The following CADPS2 variants were observed in gnomAD, a reference collection of about 807,000 sequenced individuals.
CADPS2 encodes calcium dependent secretion activator 2.
Under a neutral mutation model 172.5 loss-of-function variants are expected in CADPS2, and 93 were observed. That is an observed-to-expected ratio of 0.54 (90% CI 0.46 to 0.64). The LOEUF (loss-of-function observed/expected upper bound fraction) is 0.64, where lower values mean the gene tolerates loss of function less well. CADPS2 is among the 30% of genes least tolerant of loss of function. The probability of loss-of-function intolerance (pLI) is 0.00; values close to 1 mark genes in which losing one functional copy is unlikely to be tolerated. For synonymous variants in CADPS2, 546 were observed against 555.2 expected (o/e 0.98, Z 0.23); for missense variants, 1,420 against 1,565.9 (o/e 0.91, Z 1.57).
intron 18 of CADPS2, 47 bp from the exon 19 acceptor site, chr7:122,414,123 C>A: frequency 1.4e-6 from 2 of 1,428,672 alleles, no homozygotes; most frequent in South Asian, 1.5e-5. Flanking sequence ...AGAACAATTG[C>A]CATAGTGTTA....
At chr7:122,848,043 A>C (rs1427844919) in intron 1 of CADPS2, among the ~76,000 whole-genome samples, 2 of 152,208 alleles carry the variant, frequency 1.3e-5, no homozygotes, top group Non-Finnish European at 2.9e-5. Context: ...ATCTCATTAG[A>C]ACACTCAACT....
chr7:122,464,066 T>G (rs1380048018), intron 14 of CADPS2, among the ~76,000 whole-genome samples: 1 of 152,134 alleles, frequency 6.6e-6, no homozygotes, highest in East Asian at 1.9e-4. Flanking sequence ...CTAAATACCA[T>G]TCTCTAAAAA....
intron 8 of CADPS2, among the ~76,000 whole-genome samples, chr7:122,519,042 T>C (rs1442566378): frequency 6.6e-6 from 1 of 151,554 alleles, no homozygotes; most frequent in Non-Finnish European, 1.5e-5. Flanking sequence ...TCAGTTTTCA[T>C]GGCCATGCTA....
At chr7:122,590,484 T>C (rs1338321059) in intron 6 of CADPS2, among the ~76,000 whole-genome samples, 1 of 151,948 alleles carries the variant, frequency 6.6e-6, no homozygotes. Flanking sequence ...GACATTCCCC[T>C]TGTATGGCTG....
rs554989401 is a variant in CADPS2, at chr7:122,362,498, T to TA, written c.3388-1486dup. On this transcript the variant is annotated intron_variant, in intron 25 of 29. Coordinates refer to ENST00000449022, the MANE Select transcript of CADPS2 (RefSeq NM_017954.11). ...TCTAAAACTTTATATTTCTATGAAA[T>TA]AAAAAAACACATACACTATAATACA... Among the ~76,000 whole-genome samples, 512 of 152,202 alleles carry TA rather than the reference T, an allele frequency of 3.4e-3. 6 individuals are homozygous for TA. Among genetic ancestry groups the TA allele is most frequent in the African/African-American group, 0.011 (474 of 41,532 alleles).
intron 27 of CADPS2, among the ~76,000 whole-genome samples, chr7:122,347,722 A>C (rs1369969513): frequency 6.6e-6 from 1 of 152,190 alleles, no homozygotes; most frequent in Admixed American, 6.5e-5. Context: ...AAACAATAAA[A>C]AAGCTAGACT....
At chr7:122,460,018 T>C (rs1358542310) in intron 14 of CADPS2, among the ~76,000 whole-genome samples, 1 of 152,180 alleles carries the variant, frequency 6.6e-6, no homozygotes, top group East Asian at 1.9e-4. Context: ...TGAGCAGCAG[T>C]CATTTAGGTG....
At chr7:122,494,071 TAAAGG>T in intron 9 of CADPS2, among the ~76,000 whole-genome samples, 1 of 152,178 alleles carries the variant, frequency 6.6e-6, no homozygotes. Context: ...TGACTTTAAG[TAAAGG>T]AGATTATCGT....
chr7:122,396,795 C>A (rs761235914), intron 20 of CADPS2, among the ~76,000 whole-genome samples: 11 of 152,156 alleles, frequency 7.2e-5, no homozygotes, highest in Non-Finnish European at 1.5e-4. Context: ...TCTTCTCCTG[C>A]TGACATATTT....
intron 3 of CADPS2, among the ~76,000 whole-genome samples, chr7:122,648,672 T>A (rs1294521990): frequency 6.6e-6 from 1 of 152,134 alleles, no homozygotes; most frequent in Admixed American, 6.5e-5. Context: ...ATTCCGACAC[T>A]TTTATCTTGT....
chr7:122,479,568 CT>C (rs2057059755), intron 12 of CADPS2, among the ~76,000 whole-genome samples: 1 of 152,144 alleles, frequency 6.6e-6, no homozygotes, highest in Admixed American at 6.5e-5. Flanking sequence ...TGCTTAGCTT[CT>C]TTTGGTTAAA....
chr7:122,448,376 C>A (rs1300767383), intron 15 of CADPS2, among the ~76,000 whole-genome samples: 4 of 152,146 alleles, frequency 2.6e-5, no homozygotes, highest in South Asian at 2.1e-4. Context: ...CGGTCCCACC[C>A]TTGACAAACG....
intron 9 of CADPS2, 51 bp downstream of exon 9, chr7:122,513,198 T>A: frequency 7.7e-7 from 1 of 1,304,274 alleles, no homozygotes; most frequent in Non-Finnish European, 1.1e-6. Context: ...ATAAACAAAT[T>A]TTGAGAACTG....
At chr7:122,336,455 ACAAGG>A (rs2035866781) in intron 28 of CADPS2, among the ~76,000 whole-genome samples, 1 of 152,228 alleles carries the variant, frequency 6.6e-6, no homozygotes, top group Non-Finnish European at 1.5e-5. Context: ...ATTTCCATGA[ACAAGG>A]CACTAGAGAC....
chr7:122,803,698 T>C (rs933988537), intron 1 of CADPS2, among the ~76,000 whole-genome samples: 1 of 152,194 alleles, frequency 6.6e-6, no homozygotes. Flanking sequence ...GTAGTTTGTA[T>C]GTCTGTGGGA....
At chr7:122,730,935 T>C (rs2091578712) in intron 2 of CADPS2, among the ~76,000 whole-genome samples, 1 of 151,526 alleles carries the variant, frequency 6.6e-6, no homozygotes, top group African/African-American at 2.4e-5. Context: ...AATTAGAACA[T>C]TTTTGAGATA....
At chr7:122,765,022 C>G (rs577037337) in intron 1 of CADPS2, among the ~76,000 whole-genome samples, 2 of 152,296 alleles carry the variant, frequency 1.3e-5, no homozygotes, top group African/African-American at 4.8e-5. Flanking sequence ...GGTGCACTTT[C>G]TGAAACACAT....
chr7:122,488,474 T>A (rs2058033458), intron 11 of CADPS2, among the ~76,000 whole-genome samples: 1 of 152,208 alleles, frequency 6.6e-6, no homozygotes. Flanking sequence ...ATGAAAATGA[T>A]GTAAGGAATT....
chr7:122,857,599 G>A (rs1815665636), intron 1 of CADPS2, among the ~76,000 whole-genome samples: 2 of 152,142 alleles, frequency 1.3e-5, no homozygotes, highest in Admixed American at 1.3e-4. Flanking sequence ...TTCCAATTAT[G>A]AGGTCCTGAC....
Sources: gnomAD v4.1 joint callset for allele counts (sites outside exome capture counted in the v4.1 genomes callset) on GRCh38, gnomAD v4.1.1 for gene constraint, MANE v1.5 for transcripts, NCBI Gene and HGNC (gene_info 2026-07-23, HGNC 2026-07-21) for gene names.